The following ARID4B variants were observed in gnomAD, a reference collection of about 807,000 sequenced individuals.
The protein encoded by ARID4B is AT-rich interactive domain-containing protein 4B.
A neutral mutation model predicts 147.5 loss-of-function variants in ARID4B; 26 were observed. That is an observed-to-expected ratio of 0.18 (90% CI 0.13 to 0.24). The LOEUF (loss-of-function observed/expected upper bound fraction) is 0.24, where lower values mean the gene tolerates loss of function less well. Ranked by LOEUF, ARID4B falls within the 10% of genes least tolerant of loss-of-function variation. ARID4B has a pLI of 1.00. For synonymous variants in ARID4B, 512 were observed against 507.9 expected (o/e 1.01, Z -0.11); for missense variants, 1,179 against 1,511.5 (o/e 0.78, Z 3.65).
rs1292277428 is a variant in ARID4B, at chr1:235,212,734, CAG to C, written c.1841+1033_1841+1034del. On this transcript the variant is annotated intron_variant, in intron 17 of 23. Coordinates refer to ENST00000264183, the MANE Select transcript of ARID4B (RefSeq NM_016374.6). ...TTAGTAAGGACAGCCTCAAAACTCT[CAG>C]AAGTGATTTTCTTTAGAGAAAGGGC... Among the ~76,000 whole-genome samples the C allele has an allele frequency of 2.0e-5, 3 of 152,146 alleles. No homozygotes were observed. In the East Asian group the frequency reaches 5.8e-4, roughly 29 times the overall value.
chr1:235,211,850 T>C (rs1006547556), intron 17 of ARID4B, among the ~76,000 whole-genome samples: 1 of 152,182 alleles, frequency 6.6e-6, no homozygotes, highest in South Asian at 2.1e-4. Flanking sequence ...TCAAAATGAC[T>C]AGAAGTAAAA....
In ARID4B at chr1:235,223,034, C is replaced by T. The variant is rs527678904; in HGVS notation, c.1065+132G>A. 1,827 of 623,136 alleles carry T rather than the reference C, an allele frequency of 2.9e-3. 6 individuals carry two copies. The highest frequency in any genetic ancestry group is 3.7e-3 in the Non-Finnish European group (1,341 of 365,664). The allele number at this position is 623,136 out of a possible 1,614,324, so 38.6% of individuals were successfully genotyped here. On this transcript the variant is annotated intron_variant, in intron 13 of 23. Transcript: ENST00000264183. ...GTCTGAGGAGGCTAGCTGTACTTTCCACTTTATCTTCTTCTTAGGTTTTTA... is the reference window on the plus strand; with the variant it reads ...GTCTGAGGAGGCTAGCTGTACTTTCTACTTTATCTTCTTCTTAGGTTTTTA...
chr1:235,171,280 A>T (rs1663340005), intron 23 of ARID4B, among the ~76,000 whole-genome samples: 1 of 151,848 alleles, frequency 6.6e-6, no homozygotes, highest in South Asian at 2.1e-4. Flanking sequence ...TACTAAAAAT[A>T]AAAAATTAGC....
At chr1:235,175,579 C>A (rs899275376) in intron 21 of ARID4B, 180 bp from the exon 22 acceptor site, 17 of 588,474 alleles carry the variant, frequency 2.9e-5, no homozygotes, top group South Asian at 8.3e-5. Flanking sequence ...ACAAAAAATT[C>A]TTCTTACCTG....
At chr1:235,287,750 G>C (rs1043243123) in intron 2 of ARID4B, among the ~76,000 whole-genome samples, 1 of 152,136 alleles carries the variant, frequency 6.6e-6, no homozygotes. Context: ...CCTTTCTTCA[G>C]CATACAAATT....
chr1:235,283,826 C>T (rs1671808973), intron 2 of ARID4B, among the ~76,000 whole-genome samples: 1 of 152,136 alleles, frequency 6.6e-6, no homozygotes, highest in Admixed American at 6.5e-5. Flanking sequence ...ACCTCCGCCT[C>T]CCAGTTCAAG....
intron 2 of ARID4B, among the ~76,000 whole-genome samples, chr1:235,291,393 G>T (rs2103211568): frequency 6.6e-6 from 1 of 152,000 alleles, no homozygotes; most frequent in East Asian, 1.9e-4. Flanking sequence ...GGGCAACAGA[G>T]CAAGACTCTG....
intron 16 of ARID4B, among the ~76,000 whole-genome samples, chr1:235,214,415 C>T (rs1204967291): frequency 6.6e-6 from 1 of 152,094 alleles, no homozygotes; most frequent in Non-Finnish European, 1.5e-5. Context: ...CATTTTACAA[C>T]TAAAAATTAT....
chr1:235,205,900 AT>A (rs751906169), intron 17 of ARID4B, among the ~76,000 whole-genome samples: 1 of 152,200 alleles, frequency 6.6e-6, no homozygotes, highest in Non-Finnish European at 1.5e-5. Context: ...ACCCTAACAC[AT>A]TGCTGGTGAG....
At chr1:235,273,089 G>C (rs1671096250) in intron 2 of ARID4B, among the ~76,000 whole-genome samples, 1 of 152,224 alleles carries the variant, frequency 6.6e-6, no homozygotes, top group African/African-American at 2.4e-5. Context: ...ACAGGCTAGA[G>C]TGCAGTGGCG....
chr1:235,286,849 T>G (rs556155415), intron 2 of ARID4B, among the ~76,000 whole-genome samples: 38 of 152,336 alleles, frequency 2.5e-4, no homozygotes, highest in Middle Eastern at 3.4e-3. Flanking sequence ...CAGTTAGGAA[T>G]CTGCTACCAT....
intron 21 of ARID4B, among the ~76,000 whole-genome samples, chr1:235,176,398 T>G (rs1406888514): frequency 7.2e-6 from 1 of 138,236 alleles, no homozygotes; most frequent in East Asian, 2.0e-4. Context: ...ACTGACTGAT[T>G]TGGCATATAT....
At chr1:235,196,859 A>C (rs564102526) in intron 17 of ARID4B, among the ~76,000 whole-genome samples, 1 of 150,874 alleles carries the variant, frequency 6.6e-6, no homozygotes, top group African/African-American at 2.4e-5. Flanking sequence ...TTCACAAAAA[A>C]AAAAAAAAAA....
intron 2 of ARID4B, among the ~76,000 whole-genome samples, chr1:235,292,886 C>G (rs1336531711): frequency 6.6e-6 from 1 of 152,148 alleles, no homozygotes; most frequent in East Asian, 1.9e-4. Context: ...AATATACTGA[C>G]AGAAGAGAAA....
chr1:235,303,853 A>C (rs925338620), intron 2 of ARID4B, among the ~76,000 whole-genome samples: 1 of 152,230 alleles, frequency 6.6e-6, no homozygotes, highest in African/African-American at 2.4e-5. Context: ...GCTATACTAC[A>C]TATTCTAAAT....
chr1:235,302,692 T>C (rs1673268015), intron 2 of ARID4B, among the ~76,000 whole-genome samples: 1 of 152,188 alleles, frequency 6.6e-6, no homozygotes, highest in Non-Finnish European at 1.5e-5. Flanking sequence ...TTCTCCTTTC[T>C]CTTATTTGTC....
chr1:235,196,897 T>C (rs1489281734), intron 17 of ARID4B, among the ~76,000 whole-genome samples: 1 of 144,054 alleles, frequency 6.9e-6, no homozygotes, highest in Non-Finnish European at 1.5e-5. Context: ...AAGCACCATA[T>C]TGTAACGTAT....
rs554651962 is a variant in ARID4B, at chr1:235,327,243, G to A, written c.-49-275C>T. 453 of 258,692 alleles carry A rather than the reference G, an allele frequency of 1.8e-3. 3 individuals carry two copies. Among genetic ancestry groups the A allele is most frequent in the Middle Eastern group, 0.015 (12 of 802 alleles). The allele number at this position is 258,692 out of a possible 1,614,324, so 16.0% of individuals were successfully genotyped here. On this transcript the variant is annotated intron_variant, in intron 1 of 23. Coordinates refer to ENST00000264183, the MANE Select transcript of ARID4B (RefSeq NM_016374.6). ...CAATGACGCCATTTCTGTCAGAGAAGAAACTCACAACAAGCCCGGCGTCCG... is the reference window on the plus strand; with the variant it reads ...CAATGACGCCATTTCTGTCAGAGAAAAAACTCACAACAAGCCCGGCGTCCG...
chr1:235,271,649 AAAT>A (rs913126484), intron 2 of ARID4B, among the ~76,000 whole-genome samples: 3 of 150,700 alleles, frequency 2.0e-5, no homozygotes, highest in East Asian at 2.0e-4. Flanking sequence ...AAAATAAAAT[AAAT>A]AATAATAATA....
Sources: allele counts gnomAD v4.1 joint callset (sites outside exome capture counted in the v4.1 genomes callset), GRCh38; gene constraint gnomAD v4.1.1; transcripts MANE v1.5; gene names NCBI Gene and HGNC (gene_info 2026-07-23, HGNC 2026-07-21).